The following EPHB1 variants were observed in gnomAD, a reference collection of about 807,000 sequenced individuals.
EPHB1 encodes ephrin type-B receptor 1.
In EPHB1, 30 loss-of-function variants were observed where a neutral mutation model predicts 94.4. That is an observed-to-expected ratio of 0.32 (90% confidence interval 0.24 to 0.43). The LOEUF (loss-of-function observed/expected upper bound fraction) is 0.43, where lower values mean the gene tolerates loss of function less well. Ranked by LOEUF, EPHB1 falls within the 20% of genes least tolerant of loss-of-function variation. The pLI is 1.00. For synonymous variants in EPHB1, 522 were observed against 489.1 expected (o/e 1.07, Z -0.89); for missense variants, 1,055 against 1,308.3 (o/e 0.81, Z 2.99).
intron 4 of EPHB1, among the ~76,000 whole-genome samples, chr3:135,120,253 T>C (rs112002367): frequency 0.021 from 3,221 of 152,358 alleles, 74 homozygotes; most frequent in African/African-American, 0.055. Context: ...GCATGAGGTA[T>C]TCAAGTCTTC....
chr3:135,012,825 G>T (rs1935666836), intron 3 of EPHB1, among the ~76,000 whole-genome samples: 1 of 152,100 alleles, frequency 6.6e-6, no homozygotes, highest in African/African-American at 2.4e-5. Flanking sequence ...CTCTGCAAAG[G>T]CTATTTTATT....
chr3:134,865,041 T>G (rs973691955), intron 1 of EPHB1, among the ~76,000 whole-genome samples: 6 of 152,158 alleles, frequency 3.9e-5, no homozygotes, highest in Admixed American at 2.0e-4. Flanking sequence ...TTTCAAAAAC[T>G]TTTGACTATG....
At chr3:135,181,773 A>C (rs1291912487) in intron 10 of EPHB1, among the ~76,000 whole-genome samples, 1 of 151,188 alleles carries the variant, frequency 6.6e-6, no homozygotes, top group Non-Finnish European at 1.5e-5. Flanking sequence ...CAGCTGCTGG[A>C]TGCCTGTAAA....
chr3:134,879,417 G>A (rs1273013338), intron 1 of EPHB1, among the ~76,000 whole-genome samples: 7 of 152,028 alleles, frequency 4.6e-5, no homozygotes, highest in African/African-American at 9.7e-5. Context: ...TGGGTGGATC[G>A]CTTAAGCTGA....
At position 134,865,935 on chromosome 3, in the gene EPHB1, C is replaced by G. The variant is rs7651593; in HGVS notation, c.59-59881C>G. Among the ~76,000 whole-genome samples, 74 of 152,294 alleles carry G rather than the reference C, an allele frequency of 4.9e-4. 2 individuals carry two copies. The East Asian group carries it at 9.1e-3, about 19-fold the overall frequency. On this transcript the variant is annotated intron_variant, in intron 1 of 15. Coordinates refer to ENST00000398015, the MANE Select transcript of EPHB1 (RefSeq NM_004441.5). ...ATAGGAAGGGGAAGTTAAGAAGCTACGTTATCTGGAGAAAGGTAGGAGGAG... is the reference window on the plus strand; with the variant it reads ...ATAGGAAGGGGAAGTTAAGAAGCTAGGTTATCTGGAGAAAGGTAGGAGGAG...
intron 3 of EPHB1, among the ~76,000 whole-genome samples, chr3:134,959,310 G>C (rs1933410073): frequency 6.6e-6 from 1 of 152,110 alleles, no homozygotes; most frequent in Admixed American, 6.6e-5. Flanking sequence ...GGGTCCGCCA[G>C]GAGCATTTCT....
intron 6 of EPHB1, among the ~76,000 whole-genome samples, chr3:135,161,656 G>C (rs1000579919): frequency 3.3e-5 from 5 of 152,160 alleles, no homozygotes; most frequent in African/African-American, 1.2e-4. Context: ...AGTCTGCTGA[G>C]GTCAGAGACT....
chr3:135,092,268 G>A (rs1938582241), intron 3 of EPHB1, among the ~76,000 whole-genome samples: 1 of 152,124 alleles, frequency 6.6e-6, no homozygotes, highest in East Asian at 1.9e-4. Flanking sequence ...CACCCAAGAA[G>A]GATAAATGAC....
chr3:135,001,993 T>C (rs1366702070), intron 3 of EPHB1, among the ~76,000 whole-genome samples: 1 of 152,166 alleles, frequency 6.6e-6, no homozygotes, highest in Non-Finnish European at 1.5e-5. Flanking sequence ...GCAGCATTAT[T>C]CACAATAGGC....
intron 2 of EPHB1, among the ~76,000 whole-genome samples, chr3:134,946,144 A>G (rs994296781): frequency 2.6e-4 from 39 of 152,056 alleles, no homozygotes; most frequent in Admixed American, 6.5e-4. Flanking sequence ...CCAACCTACC[A>G]TCTCTTGCCT....
At chr3:135,018,258 T>C (rs893258863) in intron 3 of EPHB1, among the ~76,000 whole-genome samples, 1 of 152,128 alleles carries the variant, frequency 6.6e-6, no homozygotes, top group African/African-American at 2.4e-5. Flanking sequence ...TTTGAGATCA[T>C]GTGCTGACAA....
chr3:135,142,804 G>T (rs1940872745), intron 5 of EPHB1, among the ~76,000 whole-genome samples: 1 of 152,206 alleles, frequency 6.6e-6, no homozygotes, highest in African/African-American at 2.4e-5. Flanking sequence ...GCTCAGGGTA[G>T]AGAGGAAGAC....
intron 4 of EPHB1, among the ~76,000 whole-genome samples, chr3:135,119,043 A>T (rs1939835785): frequency 6.6e-6 from 1 of 152,172 alleles, no homozygotes; most frequent in Admixed American, 6.5e-5. Flanking sequence ...TGGCCTGATG[A>T]TGCTATCAAG....
chr3:135,154,054 G>T, intron 5 of EPHB1, 98 bp from the exon 6 acceptor site: 1 of 1,525,812 alleles, frequency 6.6e-7, no homozygotes. Flanking sequence ...CAGAGTTCAA[G>T]CCGAATGCCA....
chr3:134,851,800 A>G (rs1251285961), intron 1 of EPHB1, among the ~76,000 whole-genome samples: 4 of 152,242 alleles, frequency 2.6e-5, no homozygotes, highest in Non-Finnish European at 2.9e-5. Context: ...GCTGAAAACC[A>G]TAAAATGGTG....
At chr3:135,003,170 G>C (rs969448010) in intron 3 of EPHB1, among the ~76,000 whole-genome samples, 4 of 149,598 alleles carry the variant, frequency 2.7e-5, no homozygotes, top group African/African-American at 9.8e-5. Flanking sequence ...CTTTGTTCTC[G>C]TTGGTTTCAA....
At chr3:135,115,500 T>A (rs1174952307) in intron 4 of EPHB1, among the ~76,000 whole-genome samples, 1 of 152,214 alleles carries the variant, frequency 6.6e-6, no homozygotes, top group African/African-American at 2.4e-5. Flanking sequence ...CATTCTCAGC[T>A]ATTCAGAGCT....
chr3:135,250,873 T>A (rs932181595), intron 15 of EPHB1, among the ~76,000 whole-genome samples: 1 of 152,130 alleles, frequency 6.6e-6, no homozygotes, highest in East Asian at 1.9e-4. Context: ...TGTTATACAA[T>A]GGGCACAGTG....
chr3:135,159,518 G>A (rs1941451053), intron 6 of EPHB1, among the ~76,000 whole-genome samples: 1 of 152,204 alleles, frequency 6.6e-6, no homozygotes, highest in South Asian at 2.1e-4. Flanking sequence ...TTTGCAAGGT[G>A]ACTTGGTGAT....
Sources: gnomAD v4.1 joint callset for allele counts (sites outside exome capture counted in the v4.1 genomes callset) on GRCh38, gnomAD v4.1.1 for gene constraint, MANE v1.5 for transcripts, NCBI Gene and HGNC (gene_info 2026-07-23, HGNC 2026-07-21) for gene names.